POLR1H: variants seen among roughly 807,000 people sequenced by gnomAD.
The protein encoded by POLR1H is DNA-directed RNA polymerase I subunit RPA12.
In POLR1H, 5 loss-of-function variants were observed where a neutral mutation model predicts 15.8. The observed-to-expected ratio is 0.32, with a 90% CI of 0.17 to 0.67. The LOEUF is 0.67. Ranked by LOEUF, POLR1H falls within the 30% of genes least tolerant of loss-of-function variation. The pLI, the probability that POLR1H is intolerant of heterozygous loss-of-function variation, is 0.74. For synonymous variants in POLR1H, 43 were observed against 58.3 expected (o/e 0.74, Z 1.20); for missense variants, 100 against 163.4 (o/e 0.61, Z 2.11).
chr6:30,064,711 C>CA lies in POLR1H; in HGVS notation c.*16dup. The CA allele has an allele frequency of 6.2e-7, 1 of 1,608,738 alleles. No homozygotes were observed. Among genetic ancestry groups the CA allele is most frequent in the Non-Finnish European group, 8.5e-7 (1 of 1,178,252 alleles). ...GAAGACTCTTGACCTTTTTCCTGGG[C>CA]AACTCTACAGTCCCTCCCTCCTTTC... On this transcript the variant is annotated 3_prime_UTR_variant, in exon 4 of 4. Coordinates refer to ENST00000332435, the MANE Select transcript of POLR1H (RefSeq NM_170783.4).
chr6:30,064,862 T>C lies in POLR1H; in HGVS notation c.*165T>C, dbSNP rs1324228326. 1 of 458,462 alleles carries C rather than the reference T, an allele frequency of 2.2e-6. No homozygotes were observed. The highest frequency in any genetic ancestry group is 3.8e-6 in the Non-Finnish European group (1 of 261,824). 28.4% of individuals were successfully genotyped at this position (458,462 alleles called of 1,614,324 possible). A position where few individuals can be genotyped will look rare whatever the true frequency, so the allele number is the denominator to read the frequency against. On this transcript the variant is annotated 3_prime_UTR_variant, in exon 4 of 4. Coordinates refer to ENST00000332435, the MANE Select transcript of POLR1H (RefSeq NM_170783.4). ...ATTGTTCCTGGAGTACTCCTACCCT[T>C]AGTTGAATTTCCTTATTAAAGTTAT... is the stretch of plus-strand genomic sequence containing the variant.
intron 3 of POLR1H, among the ~76,000 whole-genome samples, chr6:30,062,714 CTTTTTTTTT>C (rs9278555): frequency 1.4e-4 from 6 of 42,388 alleles, no homozygotes; most frequent in African/African-American, 2.0e-4. Flanking sequence ...CCACGCCTGG[CTTTTTTTTT>C]TTTTTTTTTT....
At position 30,062,714 on chromosome 6, in the gene POLR1H, C is replaced by CCTTTTTTTTTTTTTTTTTTT. The variant is rs749507630; in HGVS notation, c.356+381_356+382insCTTTTTTTTTTTTTTTTTTT. Among the ~76,000 whole-genome samples, 11 of 42,388 alleles carry CCTTTTTTTTTTTTTTTTTTT rather than the reference C, an allele frequency of 2.6e-4. 1 individual carries two copies. Among genetic ancestry groups the CCTTTTTTTTTTTTTTTTTTT allele is most frequent in the South Asian group, 2.7e-3 (2 of 746 alleles). The allele number at this position is 42,388 out of a possible 152,430, so 27.8% of individuals were successfully genotyped here. A position where few individuals can be genotyped will look rare whatever the true frequency, so the allele number is the denominator to read the frequency against. ...CACAGACACATGCCACCACGCCTGG[C>CCTTTTTTTTTTTTTTTTTTT]TTTTTTTTTTTTTTTTTTTTTTTTT... On this transcript the variant is annotated intron_variant, in intron 3 of 3. Transcript: ENST00000332435.
At chr6:30,060,245 A>G (rs1764914038), upstream of POLR1H, 1 of 152,272 alleles carries the variant, frequency 6.6e-6, no homozygotes, top group Non-Finnish European at 1.5e-5. Flanking sequence ...CAGAACTTTT[A>G]TATGAATGAA....
intron 3 of POLR1H, among the ~76,000 whole-genome samples, chr6:30,062,850 G>A (rs1296439840): frequency 6.8e-6 from 1 of 147,632 alleles, no homozygotes; most frequent in African/African-American, 2.5e-5. Context: ...GGGATTACAG[G>A]CATGAGCCAC....
In POLR1H at chr6:30,061,597, T is replaced by G. The variant is rs1473429598; in HGVS notation, c.73T>G (p.Ser25Ala). 6.2e-7 allele frequency: 1 copy of G among 1,613,102 alleles called. No homozygotes were observed. The highest frequency in any genetic ancestry group is 2.2e-5 in the East Asian group (1 of 44,884). ...SDLDFCSDCG[S>A]VLPLPGAQDT... is the part of the protein sequence containing the mutation. ...CCTGGATTTCTGTTCAGATTGCGGCTCGGTCCTGCCTCTGCCCGGGGCTCA... is the reference window on the plus strand; with the variant it reads ...CCTGGATTTCTGTTCAGATTGCGGCGCGGTCCTGCCTCTGCCCGGGGCTCA... The change falls in exon 1 of 4, where the codon TCG (serine) becomes GCG (alanine). Residue 25 changes from serine (S) to alanine (A), a missense_variant. Coordinates refer to ENST00000332435, the MANE Select transcript of POLR1H (RefSeq NM_170783.4). The surrounding 1 kb of genome is among the most constrained non-coding windows in gnomAD (Gnocchi z 5.0).
Position 30,062,608 on chromosome 6 carries a change from C to T in POLR1H, c.356+275C>T, listed in dbSNP as rs9261272. Among the ~76,000 whole-genome samples, 20,211 of 123,824 alleles carry T rather than the reference C, an allele frequency of 0.16. 1,989 individuals are homozygous for T. The highest frequency in any genetic ancestry group is 0.3 in the Middle Eastern group (51 of 172). The allele number at this position is 123,824 out of a possible 152,430, so 81.2% of individuals were successfully genotyped here. On this transcript the variant is annotated intron_variant, in intron 3 of 3. Transcript: ENST00000332435. ...CTCTGTCACCTAGCCTGGAGTGCAGCGAGGCAATCTTGGCTCACTGCAACC... is the reference window on the plus strand; with the variant it reads ...CTCTGTCACCTAGCCTGGAGTGCAGTGAGGCAATCTTGGCTCACTGCAACC...
In POLR1H at chr6:30,061,758, C is replaced by T; in HGVS notation, c.145+89C>T. 1.3e-6 allele frequency: 2 copies of T among 1,585,742 alleles called. No individual in the cohort carries two copies. The highest frequency in any genetic ancestry group is 1.7e-6 in the Non-Finnish European group (2 of 1,161,036). On this transcript the variant is annotated intron_variant, in intron 1 of 3. Coordinates refer to ENST00000332435, the MANE Select transcript of POLR1H (RefSeq NM_170783.4). This position sits in a 1 kb window ranked among gnomAD's most constrained non-coding sequence, Gnocchi z 5.0. ...GATCGGTTGGGTTGAGGAGGGGATC[C>T]TAGAGCAGGACATCAGGCGGTTGTA... is the stretch of plus-strand genomic sequence containing the variant.
At chr6:30,062,901 GA>G (rs28383815) in intron 3 of POLR1H, among the ~76,000 whole-genome samples, 29 of 143,406 alleles carry the variant, frequency 2.0e-4, no homozygotes, top group African/African-American at 4.1e-4. Flanking sequence ...AGGAAATGAA[GA>G]AAAAAAAAAC....
rs546380566 is a variant in POLR1H, at chr6:30,063,320, T to C, written c.356+987T>C. Among the ~76,000 whole-genome samples, 3 of 152,196 alleles carry C rather than the reference T, an allele frequency of 2.0e-5. No homozygotes were observed. Among genetic ancestry groups the C allele is most frequent in the Admixed American group, 2.0e-4 (3 of 15,288 alleles). ...TTCTTTTCATATTTTCAATTGCTGT[T>C]CTCTTTATGCCACCTTCTGAGTAAT... On this transcript the variant is annotated intron_variant, in intron 3 of 3. Coordinates refer to ENST00000332435, the MANE Select transcript of POLR1H (RefSeq NM_170783.4). This position sits in a 1 kb window ranked among gnomAD's most constrained non-coding sequence, Gnocchi z 4.1.
intron 3 of POLR1H, among the ~76,000 whole-genome samples, chr6:30,062,859 AC>A (rs1216782020): frequency 6.7e-6 from 1 of 148,418 alleles, no homozygotes; most frequent in Non-Finnish European, 1.5e-5. Flanking sequence ...GGCATGAGCC[AC>A]CCCGCCTGAC....
At position 30,061,983 on chromosome 6, in the gene POLR1H, C is replaced by T; in HGVS notation, c.212C>T (p.Ser71Leu). The T allele has an allele frequency of 6.2e-7, 1 of 1,613,008 alleles. No homozygotes were observed. Among genetic ancestry groups the T allele is most frequent in the African/African-American group, 1.3e-5 (1 of 75,000 alleles). ...CAACTGGGGACAGCCATGCCTATGT[C>T]GGTGGAGGAAGGGCCTGAGTGCCAG... ...FHQLGTAMPM[S>L]VEEGPECQGP... Residue 71 changes from serine (S) to leucine (L), a missense_variant, in exon 2 of 4, where the codon TCG becomes TTG. This residue lies in a region of POLR1H where 87 missense variants were observed against 119.8 expected (regional missense o/e 0.73). Coordinates refer to ENST00000332435, the MANE Select transcript of POLR1H (RefSeq NM_170783.4). The surrounding 1 kb of genome is among the most constrained non-coding windows in gnomAD (Gnocchi z 5.0).
chr6:30,062,174 G>C (rs757134212), intron 2 of POLR1H, 50 bp from the exon 3 acceptor site: 1 of 1,507,706 alleles, frequency 6.6e-7, no homozygotes, highest in South Asian at 1.1e-5. Flanking sequence ...ATTCCTGTGG[G>C]AAGTAAGGGG....
Position 30,061,566 on chromosome 6 carries a change from G to T in POLR1H, c.42G>T (p.Gln14His), listed in dbSNP as rs17187658. ...TCGCCAATACTTGCTCCAGCTTTCA[G>T]TCGGACCTGGATTTCTGTTCAGATT... ...MDLANTCSSF[Q>H]SDLDFCSDCG... The change falls in exon 1 of 4, where the codon CAG (glutamine) becomes CAT (histidine). Residue 14 changes from glutamine to histidine, a missense_variant. Transcript: ENST00000332435. The surrounding 1 kb of genome is among the most constrained non-coding windows in gnomAD (Gnocchi z 5.0). 9.2e-3 allele frequency: 14,806 copies of T among 1,613,066 alleles called. 219 individuals are homozygous for T. The highest frequency in any genetic ancestry group is 0.055 in the Middle Eastern group (335 of 6,062).
chr6:30,062,714 C>CTTTTTT (rs9278555), intron 3 of POLR1H, among the ~76,000 whole-genome samples: 18 of 42,386 alleles, frequency 4.2e-4, no homozygotes, highest in African/African-American at 9.1e-4. Flanking sequence ...CCACGCCTGG[C>CTTTTTT]TTTTTTTTTT....
Position 30,064,710 on chromosome 6 carries a change from G to C in POLR1H, c.*13G>C. The C allele has an allele frequency of 6.2e-7, 1 of 1,608,598 alleles. No homozygotes were observed. The highest frequency in any genetic ancestry group is 8.5e-7 in the Non-Finnish European group (1 of 1,178,292). On this transcript the variant is annotated 3_prime_UTR_variant, in exon 4 of 4. Coordinates refer to ENST00000332435, the MANE Select transcript of POLR1H (RefSeq NM_170783.4). ...GGAAGACTCTTGACCTTTTTCCTGG[G>C]CAACTCTACAGTCCCTCCCTCCTTT...
Position 30,061,807 on chromosome 6 carries a change from G to A in POLR1H, c.146-110G>A. 1 of 1,551,860 alleles carries A rather than the reference G, an allele frequency of 6.4e-7. No individual in the cohort carries two copies. Among genetic ancestry groups the A allele is most frequent in the Non-Finnish European group, 8.8e-7 (1 of 1,136,004 alleles). ...TACATTTGGTCTAGCGATGAAAACT[G>A]AGGGAAAGGATGTAGGGCCTCCTGG... On this transcript the variant is annotated intron_variant, in intron 1 of 3. Coordinates refer to ENST00000332435, the MANE Select transcript of POLR1H (RefSeq NM_170783.4). This position sits in a 1 kb window ranked among gnomAD's most constrained non-coding sequence, Gnocchi z 5.0.
Position 30,061,657 on chromosome 6 carries a change from A to G in POLR1H, c.133A>G (p.Ile45Val), listed in dbSNP as rs908108435. ...CACCTGTATTCGCTGTGGCTTCAAC[A>G]TCAACGTTCGGGGTGAGAGGCTTGT... ...TVTCIRCGFN[I>V]NVRDFEGKVV... is the part of the protein sequence containing the mutation. The change falls in exon 1 of 4, where the codon ATC becomes GTC. Residue 45 changes from isoleucine (I) to valine (V), a missense_variant. Physicochemically the swap from Ile to Val is conservative, Grantham distance 29. Around this residue, in one of 2 missense-constraint regions of POLR1H, gnomAD observed 87 missense variants for 119.8 expected, o/e 0.73. Coordinates refer to ENST00000332435, the MANE Select transcript of POLR1H (RefSeq NM_170783.4). The surrounding 1 kb of genome is among the most constrained non-coding windows in gnomAD (Gnocchi z 5.0). 6 of 1,612,782 alleles carry G rather than the reference A, an allele frequency of 3.7e-6. No individual in the cohort carries two copies. The highest frequency in any genetic ancestry group is 5.1e-6 in the Non-Finnish European group (6 of 1,180,002).
intron 3 of POLR1H, 114 bp from the exon 4 acceptor site, chr6:30,064,559 C>T (rs1765358722): frequency 1.2e-5 from 11 of 898,880 alleles, no homozygotes; most frequent in Non-Finnish European, 1.8e-5. Context: ...GGAGCCAGTC[C>T]TCAATGATGT....
Sources: gnomAD v4.1 joint callset for allele counts (sites outside exome capture counted in the v4.1 genomes callset) on GRCh38, gnomAD v4.1.1 for gene constraint, gnomAD v4.1.1 regional missense constraint, Gnocchi (gnomAD v3.1) non-coding constraint, MANE v1.5 for transcripts, NCBI Gene and HGNC (gene_info 2026-07-23, HGNC 2026-07-21) for gene names.